Variants in MCTP1 observed in about 807,000 individuals in gnomAD.
The protein encoded by MCTP1 is multiple C2 and transmembrane domain containing 1.
A neutral mutation model predicts 120.6 loss-of-function variants in MCTP1; 69 were observed. The ratio of observed to expected loss-of-function variants is 0.57; its 90% CI spans 0.47 to 0.70. The LOEUF is 0.70. Among genes scored for constraint, MCTP1 ranks in the 30% least tolerant of loss-of-function variants. The pLI, the probability that MCTP1 is intolerant of heterozygous loss-of-function variation, is 0.00. For synonymous variants in MCTP1, 529 were observed against 493.1 expected (o/e 1.07, Z -0.96); for missense variants, 1,203 against 1,248.8 (o/e 0.96, Z 0.55).
intron 19 of MCTP1, among the ~76,000 whole-genome samples, chr5:94,776,223 G>T (rs1775286795): frequency 1.3e-5 from 2 of 152,074 alleles, no homozygotes; most frequent in African/African-American, 4.8e-5. Context: ...TGAAATAAAA[G>T]ATTTCAGTTT....
chr5:94,857,476 A>G (rs980014050), intron 17 of MCTP1, among the ~76,000 whole-genome samples: 3 of 151,828 alleles, frequency 2.0e-5, no homozygotes, highest in Middle Eastern at 3.4e-3. Context: ...TTGGAGAGCC[A>G]TGCATTTGTG....
intron 1 of MCTP1, among the ~76,000 whole-genome samples, chr5:95,018,723 C>T (rs1277193253): frequency 1.3e-5 from 2 of 152,018 alleles, no homozygotes; most frequent in East Asian, 3.9e-4. Flanking sequence ...CCATCTTTGA[C>T]TTCTTCATTT....
chr5:94,971,956 C>T (rs1351848440), intron 2 of MCTP1, among the ~76,000 whole-genome samples: 3 of 152,162 alleles, frequency 2.0e-5, no homozygotes, highest in African/African-American at 4.8e-5. Context: ...GCCCACCTGA[C>T]ATCTGTTCTT....
intron 17 of MCTP1, among the ~76,000 whole-genome samples, chr5:94,813,725 C>A (rs115303484): frequency 0.019 from 2,871 of 151,914 alleles, 93 homozygotes; most frequent in African/African-American, 0.067. Flanking sequence ...GTCTCTACAA[C>A]AAAATTTTAA....
intron 1 of MCTP1, among the ~76,000 whole-genome samples, chr5:95,231,511 A>G (rs1754941692): frequency 6.6e-6 from 1 of 152,172 alleles, no homozygotes; most frequent in Non-Finnish European, 1.5e-5. Context: ...AAAAGACAGT[A>G]ATATCCAAAA....
intron 19 of MCTP1, among the ~76,000 whole-genome samples, chr5:94,753,496 C>T (rs1039692057): frequency 2.0e-5 from 3 of 152,158 alleles, no homozygotes; most frequent in African/African-American, 7.2e-5. Context: ...AAGTGCAAAA[C>T]AGCTAAATGA....
intron 1 of MCTP1, among the ~76,000 whole-genome samples, chr5:95,100,506 G>A (rs184927807): frequency 6.6e-6 from 1 of 151,934 alleles, no homozygotes; most frequent in Non-Finnish European, 1.5e-5. Flanking sequence ...TAACTGTTAA[G>A]GAAATGAAAA....
At chr5:94,952,171 C>CAAATAAAAAAAAA (rs1820767682) in intron 3 of MCTP1, among the ~76,000 whole-genome samples, 1 of 87,890 alleles carries the variant, frequency 1.1e-5, no homozygotes, top group African/African-American at 4.5e-5. Context: ...GACTTTGTCG[C>CAAATAAAAAAAAA]AAAAAAAAAA....
intron 2 of MCTP1, among the ~76,000 whole-genome samples, chr5:94,999,856 T>TC (rs1049764354): frequency 6.6e-6 from 1 of 151,866 alleles, no homozygotes; most frequent in African/African-American, 2.4e-5. Flanking sequence ...AAGAAAGGAA[T>TC]CCCCCCACAC....
At chr5:94,824,648 C>T (rs904443492) in intron 17 of MCTP1, among the ~76,000 whole-genome samples, 4 of 152,170 alleles carry the variant, frequency 2.6e-5, no homozygotes, top group Admixed American at 2.6e-4. Flanking sequence ...TAGAATTCAG[C>T]TGTGAATCCA....
At chr5:94,709,312 A>G (rs191656373) in intron 21 of MCTP1, 3 of 152,218 alleles carry the variant, frequency 2.0e-5, no homozygotes, top group Admixed American at 1.3e-4. Flanking sequence ...TATTTCAGCA[A>G]TCACCTACCA....
intron 19 of MCTP1, among the ~76,000 whole-genome samples, chr5:94,743,829 C>T (rs1766213310): frequency 2.0e-5 from 3 of 151,032 alleles, no homozygotes; most frequent in South Asian, 2.1e-4. Flanking sequence ...TTAGTAGAGA[C>T]GGGGTTTCAC....
At chr5:95,283,799 T>C in intron 1 of MCTP1, 57 bp downstream of exon 1, 1 of 1,303,188 alleles carries the variant, frequency 7.7e-7, no homozygotes, top group Non-Finnish European at 9.7e-7. Flanking sequence ...GGTGAACGCC[T>C]GAAGAGGGAG....
chr5:95,154,715 T>C (rs1744902381), intron 1 of MCTP1, among the ~76,000 whole-genome samples: 1 of 152,096 alleles, frequency 6.6e-6, no homozygotes, highest in Non-Finnish European at 1.5e-5. Context: ...TTAAAATAAG[T>C]GAAACAACGA....
At chr5:94,942,299 G>A in intron 4 of MCTP1, 49 bp downstream of exon 4, 1 of 1,356,772 alleles carries the variant, frequency 7.4e-7, no homozygotes, top group South Asian at 1.2e-5. Context: ...TGTTACACAA[G>A]CCCACTGCAT....
At chr5:94,858,142 T>G (rs1347154254) in intron 17 of MCTP1, among the ~76,000 whole-genome samples, 5 of 151,674 alleles carry the variant, frequency 3.3e-5, no homozygotes, top group African/African-American at 1.2e-4. Flanking sequence ...TTTAAGCAAC[T>G]CACTGAAAAT....
intron 1 of MCTP1, among the ~76,000 whole-genome samples, chr5:95,192,623 C>T (rs1582488436): frequency 2.0e-5 from 3 of 151,990 alleles, no homozygotes; most frequent in African/African-American, 7.2e-5. Flanking sequence ...TTTACTAAAA[C>T]TTAACAGAAA....
At chr5:95,046,180 G>C (rs534111094) in intron 1 of MCTP1, among the ~76,000 whole-genome samples, 1 of 152,230 alleles carries the variant, frequency 6.6e-6, no homozygotes, top group South Asian at 2.1e-4. Context: ...CCACATGAGA[G>C]AACTCATGAA....
At chr5:94,764,846 A>AT in intron 19 of MCTP1, among the ~76,000 whole-genome samples, 1 of 151,760 alleles carries the variant, frequency 6.6e-6, no homozygotes, top group South Asian at 2.1e-4. Flanking sequence ...AAAAAAAAAA[A>AT]AAAAAATCAA....
Sources: gnomAD v4.1 joint callset for allele counts (sites outside exome capture counted in the v4.1 genomes callset) on GRCh38, gnomAD v4.1.1 for gene constraint, MANE v1.5 for transcripts, NCBI Gene and HGNC (gene_info 2026-07-23, HGNC 2026-07-21) for gene names.